DMD: variants seen among roughly 807,000 people sequenced by gnomAD.
The protein encoded by DMD is dystrophin.
Under a neutral mutation model 330.1 loss-of-function variants are expected in DMD, and 63 were observed. That is an observed-to-expected ratio of 0.19 (90% CI 0.16 to 0.24). DMD has a LOEUF of 0.24. Ranked by LOEUF, DMD falls within the 10% of genes least tolerant of loss-of-function variation. The pLI is 1.00. For missense variants in DMD, 3,344 were observed against 2,684.1 expected (o/e 1.25, Z -5.43); for synonymous variants, 1,223 against 959.8 (o/e 1.27, Z -5.07).
intron 41 of DMD, among the ~76,000 whole-genome samples, chrX:32,335,842 A>ATATG (rs201398280): frequency 0.023 from 2,457 of 105,719 alleles, 91 homozygotes; most frequent in East Asian, 0.079. Context: ...TAACGTGCAT[A>ATATG]TATAACATGT....
chrX:31,261,619 A>C lies in DMD; in HGVS notation c.9225-603T>G, dbSNP rs111482252. On this transcript the variant is annotated intron_variant, in intron 62 of 78. Transcript: ENST00000357033. ...CATTATTTCAGAGTGTTTTTTCTTT[A>C]AACGCAGTACGCTATACACCACTAC... is the stretch of plus-strand genomic sequence containing the variant. 7,776 of 118,130 alleles carry C rather than the reference A, an allele frequency of 0.066. 717 individuals are homozygous for C. The highest frequency in any genetic ancestry group is 0.24 in the African/African-American group (7,288 of 30,528). The allele number at this position is 118,130 out of a possible 1,213,427, so 9.7% of individuals were successfully genotyped here.
At chrX:32,131,527 A>G (rs2096694459) in intron 44 of DMD, among the ~76,000 whole-genome samples, 2 of 112,170 alleles carry the variant, frequency 1.8e-5, no homozygotes, top group African/African-American at 6.5e-5. Context: ...ATTTGGACAC[A>G]TTGTGATGGA....
chrX:33,285,252 ATTC>A (rs1171379770), intron 1 of DMD, among the ~76,000 whole-genome samples: 15 of 111,787 alleles, frequency 1.3e-4, no homozygotes, highest in Non-Finnish European at 2.6e-4. Flanking sequence ...ACCAGTCATT[ATTC>A]TTCTTATCTC....
intron 55 of DMD, among the ~76,000 whole-genome samples, chrX:31,510,506 CT>C (rs756448666): frequency 6.3e-4 from 53 of 84,491 alleles, no homozygotes; most frequent in South Asian, 2.2e-3. Flanking sequence ...TCTGACTGCT[CT>C]TTTTTTTTTT....
chrX:32,804,391 A>T (rs2076804606), intron 7 of DMD, among the ~76,000 whole-genome samples: 1 of 112,523 alleles, frequency 8.9e-6, no homozygotes, highest in Non-Finnish European at 1.9e-5. Flanking sequence ...ACTGTAGCTC[A>T]GCAAAGCCAC....
intron 63 of DMD, among the ~76,000 whole-genome samples, chrX:31,234,815 C>A (rs916275041): frequency 1.8e-5 from 2 of 111,436 alleles, no homozygotes; most frequent in African/African-American, 6.5e-5. Context: ...GGAAAGAGAC[C>A]TCAGTATAGA....
At chrX:31,887,527 T>C (rs758806615) in intron 47 of DMD, among the ~76,000 whole-genome samples, 90 of 112,117 alleles carry the variant, frequency 8.0e-4, no homozygotes, top group Non-Finnish European at 1.5e-3. Context: ...ATGTCTTCTT[T>C]TCCCTCAATA....
chrX:31,183,900 T>G, intron 67 of DMD, among the ~76,000 whole-genome samples: 1 of 102,857 alleles, frequency 9.7e-6, no homozygotes. Context: ...GATAGTTATC[T>G]TCATTAAATA....
At chrX:31,515,632 G>C in intron 55 of DMD, among the ~76,000 whole-genome samples, 1 of 112,128 alleles carries the variant, frequency 8.9e-6, no homozygotes. Context: ...TGGCTAAATT[G>C]AGAGTAGGAA....
intron 7 of DMD, among the ~76,000 whole-genome samples, chrX:32,710,846 C>T (rs964229157): frequency 2.7e-5 from 3 of 110,389 alleles, no homozygotes; most frequent in South Asian, 3.9e-4. Context: ...TATGAGTCAG[C>T]GGTGGGTAGG....
At chrX:31,320,947 T>C (rs1210115756) in intron 62 of DMD, among the ~76,000 whole-genome samples, 1 of 111,401 alleles carries the variant, frequency 9.0e-6, no homozygotes, top group Non-Finnish European at 1.9e-5. Flanking sequence ...TCCTGCCTAT[T>C]GTTCTCTCTC....
At chrX:32,406,809 T>G (rs1057156111) in intron 30 of DMD, among the ~76,000 whole-genome samples, 1 of 111,281 alleles carries the variant, frequency 9.0e-6, no homozygotes, top group Non-Finnish European at 1.9e-5. Context: ...AAAGCCCTCA[T>G]AAATAATGCC....
At chrX:33,208,204 T>C (rs1374221002) in intron 1 of DMD, among the ~76,000 whole-genome samples, 1 of 111,912 alleles carries the variant, frequency 8.9e-6, no homozygotes, top group Non-Finnish European at 1.9e-5. Flanking sequence ...AAGGCAGAAA[T>C]GTCAAATTCC....
intron 7 of DMD, among the ~76,000 whole-genome samples, chrX:32,716,426 G>A (rs1283555570): frequency 9.0e-6 from 1 of 111,271 alleles, no homozygotes; most frequent in African/African-American, 3.3e-5. Context: ...CAAGAAGGTG[G>A]AAATTTCCTG....
At chrX:32,362,981 A>G in intron 36 of DMD, 23 bp from the exon 37 acceptor site, 1 of 1,189,880 alleles carries the variant, frequency 8.4e-7, no homozygotes, top group African/African-American at 1.7e-5. Flanking sequence ...AGCAAGAGAT[A>G]GGACTTGAAG....
intron 2 of DMD, among the ~76,000 whole-genome samples, chrX:32,870,661 A>G (rs2082879369): frequency 9.0e-6 from 1 of 110,986 alleles, no homozygotes; most frequent in African/African-American, 3.3e-5. Flanking sequence ...CCTGACAAAA[A>G]CAAGCAATGG....
chrX:32,414,322 G>A (rs1041415332), intron 29 of DMD, among the ~76,000 whole-genome samples: 1 of 111,580 alleles, frequency 9.0e-6, no homozygotes, highest in East Asian at 2.8e-4. Flanking sequence ...TTTGAATTTT[G>A]TATTTTTTTG....
intron 44 of DMD, among the ~76,000 whole-genome samples, chrX:32,127,741 C>T (rs1229975496): frequency 8.9e-6 from 1 of 112,293 alleles, no homozygotes; most frequent in East Asian, 2.8e-4. Flanking sequence ...TAATAAAATA[C>T]ATCAGCTTTG....
At chrX:31,173,800 C>T (rs1265057134) in intron 71 of DMD, among the ~76,000 whole-genome samples, 196 bp from the exon 72 acceptor site, 1 of 111,983 alleles carries the variant, frequency 8.9e-6, no homozygotes, top group Admixed American at 9.5e-5. Context: ...ATTTCTCATA[C>T]TTCTGCTTTT....
Sources: allele counts gnomAD v4.1 joint callset (sites outside exome capture counted in the v4.1 genomes callset), GRCh38; gene constraint gnomAD v4.1.1; transcripts MANE v1.5; gene names NCBI Gene and HGNC (gene_info 2026-07-23, HGNC 2026-07-21).